MXI1: variants seen among roughly 807,000 people sequenced by gnomAD.
MXI1 encodes MAX interactor 1, dimerization protein, also known as max-interacting protein 1.
MXI1 carries 18 observed loss-of-function variants against 36.9 expected under a neutral mutation model. That is an observed-to-expected ratio of 0.49 (90% CI 0.34 to 0.72). The LOEUF is 0.72. Ranked by LOEUF, MXI1 falls within the 30% of genes least tolerant of loss-of-function variation. MXI1 has a pLI of 0.01. For missense variants in MXI1, 304 were observed against 379.1 expected, an observed-to-expected ratio of 0.80 and a Z score of 1.64; for synonymous variants, 160 against 146.7, an observed-to-expected ratio of 1.09 and a Z score of -0.65.
chr10:110,215,196 C>T (rs1854607250), intron 1 of MXI1, among the ~76,000 whole-genome samples: 1 of 152,018 alleles, frequency 6.6e-6, no homozygotes, highest in African/African-American at 2.4e-5. Flanking sequence ...TGGTTGCCAC[C>T]ACGCCTGGCT....
intron 3 of MXI1, among the ~76,000 whole-genome samples, chr10:110,265,630 A>G (rs935029070): frequency 5.3e-5 from 8 of 152,252 alleles, no homozygotes; most frequent in Admixed American, 5.2e-4. Flanking sequence ...TAAAAGAAGT[A>G]GAAGTCCTGA....
intron 3 of MXI1, chr10:110,257,431 C>T (rs1856347510): frequency 6.6e-6 from 1 of 151,934 alleles, no homozygotes; most frequent in Non-Finnish European, 1.5e-5. Flanking sequence ...ACTTCAACCT[C>T]CCAAGTAGCT....
chr10:110,237,717 TC>T (rs1322738025), intron 2 of MXI1, among the ~76,000 whole-genome samples: 1 of 152,198 alleles, frequency 6.6e-6, no homozygotes, highest in Admixed American at 6.5e-5. Flanking sequence ...ATTCAGAGGT[TC>T]CTACAGCCCC....
intron 1 of MXI1, among the ~76,000 whole-genome samples, chr10:110,225,816 C>G (rs1447916720): frequency 2.0e-5 from 3 of 152,226 alleles, no homozygotes; most frequent in African/African-American, 4.8e-5. Context: ...CGGGACTACA[C>G]CTTCCGACGA....
At chr10:110,283,292 C>A (rs1487763767) in intron 5 of MXI1, among the ~76,000 whole-genome samples, 1 of 146,568 alleles carries the variant, frequency 6.8e-6, no homozygotes. Context: ...GAGAGAGTGT[C>A]TCGCTCTGTC....
chr10:110,210,390 T>A, intron 1 of MXI1: 1 of 639,234 alleles, frequency 1.6e-6, no homozygotes, highest in African/African-American at 2.0e-5. Context: ...TTAGCTCTCT[T>A]GCTTCTTTTC....
At chr10:110,251,844 C>A (rs78355486) in intron 3 of MXI1, among the ~76,000 whole-genome samples, 1 of 151,892 alleles carries the variant, frequency 6.6e-6, no homozygotes, top group Non-Finnish European at 1.5e-5. Flanking sequence ...GTGGGTAGAC[C>A]GTATTGAGTT....
rs1046210120 is a variant in MXI1, at chr10:110,262,836, A to G, written c.438-16344A>G. Among the ~76,000 whole-genome samples the G allele has an allele frequency of 2.2e-4, 34 of 152,134 alleles. 1 individual carries two copies. Among genetic ancestry groups the G allele is most frequent in the Admixed American group, 2.2e-3 (34 of 15,276 alleles). On this transcript the variant is annotated intron_variant, in intron 3 of 5. Coordinates refer to ENST00000332674, the MANE Select transcript of MXI1 (RefSeq NM_130439.3). ...TTCGCAGACCAGAGTTTTTTACACT[A>G]CCTTCAAGATGCACAGCTAAGATAC...
At chr10:110,217,528 C>T (rs1046336039) in intron 1 of MXI1, among the ~76,000 whole-genome samples, 1 of 152,144 alleles carries the variant, frequency 6.6e-6, no homozygotes. Flanking sequence ...TTCCTCTTAC[C>T]TCCACCACAG....
intron 1 of MXI1, among the ~76,000 whole-genome samples, chr10:110,216,685 T>TTTTTTTTTTG (rs71032071): frequency 1.0e-5 from 1 of 96,458 alleles, no homozygotes; most frequent in Non-Finnish European, 1.8e-5. Flanking sequence ...TTTTTTTTTT[T>TTTTTTTTTTG]GGAGACAGGG....
At chr10:110,219,316 A>C (rs1189722841) in intron 1 of MXI1, among the ~76,000 whole-genome samples, 5 of 152,168 alleles carry the variant, frequency 3.3e-5, no homozygotes, top group African/African-American at 1.2e-4. Flanking sequence ...CAAAAACAAA[A>C]ACAAAAAACC....
chr10:110,271,979 CT>C (rs964132111), intron 3 of MXI1, among the ~76,000 whole-genome samples: 5 of 152,188 alleles, frequency 3.3e-5, no homozygotes, highest in Non-Finnish European at 7.3e-5. Context: ...CCCTTCTCCC[CT>C]GTCCCTTCTT....
chr10:110,236,015 T>A (rs976827010), intron 2 of MXI1, among the ~76,000 whole-genome samples: 6 of 151,562 alleles, frequency 4.0e-5, no homozygotes, highest in African/African-American at 7.3e-5. Context: ...TCAAAAAAAA[T>A]TTTTTTCTCT....
intron 3 of MXI1, among the ~76,000 whole-genome samples, chr10:110,255,236 C>T (rs1443619639): frequency 6.6e-6 from 1 of 152,132 alleles, no homozygotes; most frequent in Non-Finnish European, 1.5e-5. Flanking sequence ...AACAATAAAG[C>T]CTGAATGACA....
chr10:110,214,914 G>C (rs1249878850), intron 1 of MXI1, among the ~76,000 whole-genome samples: 2 of 151,318 alleles, frequency 1.3e-5, no homozygotes, highest in Admixed American at 6.6e-5. Context: ...AGAAATGGGA[G>C]TCTTCCTGCA....
chr10:110,216,117 A>G (rs1321023028), intron 1 of MXI1, among the ~76,000 whole-genome samples: 2 of 152,228 alleles, frequency 1.3e-5, no homozygotes, highest in Non-Finnish European at 2.9e-5. Context: ...TTGCTTCCTC[A>G]TCTTGGCAGA....
intron 3 of MXI1, among the ~76,000 whole-genome samples, chr10:110,263,476 G>GA (rs1364234569): frequency 1.3e-5 from 2 of 152,244 alleles, no homozygotes; most frequent in East Asian, 3.9e-4. Context: ...TTTTACAGAT[G>GA]AAAGTACATT....
At chr10:110,209,698 T>C (rs1229835037) in intron 1 of MXI1, among the ~76,000 whole-genome samples, 2 of 152,130 alleles carry the variant, frequency 1.3e-5, no homozygotes, top group African/African-American at 4.8e-5. Flanking sequence ...TGCATTTGTC[T>C]GGAGGGTAGT....
rs1015474258 is a variant in MXI1 at position 110,282,613 on chromosome 10, C to T, written c.725-2211C>T. ...CTCCTTGTACCCACCCCAACTACCT[C>T]CAAATTTCAGAGAGGAGGGTGTATT... On this transcript the variant is annotated intron_variant, in intron 5 of 5. Transcript: ENST00000332674. Among the ~76,000 whole-genome samples the T allele has an allele frequency of 1.6e-4, 25 of 152,106 alleles. 1 individual carries two copies. Among genetic ancestry groups the T allele is most frequent in the Non-Finnish European group, 3.7e-4 (25 of 68,030 alleles).
Sources: allele counts gnomAD v4.1 joint callset (sites outside exome capture counted in the v4.1 genomes callset), GRCh38; gene constraint gnomAD v4.1.1; transcripts MANE v1.5; gene names NCBI Gene and HGNC (gene_info 2026-07-23, HGNC 2026-07-21).